The following ZNF484 variants were observed in gnomAD, a reference collection of about 807,000 sequenced individuals.
ZNF484 encodes zinc finger protein 484.
In ZNF484, 11 loss-of-function variants were observed where a neutral mutation model predicts 12.9. The observed-to-expected ratio is 0.85, with a 90% CI of 0.54 to 1.41. The LOEUF is 1.41. Among genes scored for constraint, ZNF484 ranks in the 40% most tolerant of loss-of-function variants. The probability of loss-of-function intolerance (pLI) is 0.00; values close to 1 mark genes in which losing one functional copy is unlikely to be tolerated. For synonymous variants in ZNF484, 289 were observed against 334.1 expected, an observed-to-expected ratio of 0.86 and a Z score of 1.47; for missense variants, 807 against 1,007.7, an observed-to-expected ratio of 0.80 and a Z score of 2.70.
chr9:92,863,004 A>G (rs1437820180), intron 2 of ZNF484, among the ~76,000 whole-genome samples: 1 of 152,138 alleles, frequency 6.6e-6, no homozygotes, highest in Non-Finnish European at 1.5e-5. Context: ...TAGCAAAGAC[A>G]TGGAATCAAC....
chr9:92,859,218 ACATC>A (rs1856638715), intron 2 of ZNF484, among the ~76,000 whole-genome samples: 1 of 152,202 alleles, frequency 6.6e-6, no homozygotes, highest in Admixed American at 6.5e-5. Context: ...AATGCATTAA[ACATC>A]CAAGTTAAAA....
Position 92,847,555 on chromosome 9 carries a change from G to C in ZNF484, c.1232C>G (p.Pro411Arg), listed in dbSNP as rs758508454. 1.7e-5 allele frequency: 27 copies of C among 1,613,932 alleles called. No individual in the cohort carries two copies. In the East Asian group the frequency reaches 6.0e-4, roughly 36 times the overall value. Residue 411 changes from proline (P) to arginine (R), a missense_variant, in exon 5 of 5, where the codon CCT becomes CGT. By Grantham distance (103) the Pro-to-Arg change is moderately radical. Coordinates refer to ENST00000375495, the MANE Select transcript of ZNF484 (RefSeq NM_031486.4). ...CTTCCCACATTCAGTACATACATAAGGTTTTTCTCCTGTATGGATTTTCTG... is the reference window on the plus strand; with the variant it reads ...CTTCCCACATTCAGTACATACATAACGTTTTTCTCCTGTATGGATTTTCTG... The part of the protein sequence containing the change: ...MHQKIHTGEK[P>R]YVCTECGKAF...
intron 4 of ZNF484, among the ~76,000 whole-genome samples, chr9:92,849,786 G>GTC (rs376027089): frequency 2.6e-5 from 4 of 151,236 alleles, no homozygotes; most frequent in East Asian, 1.9e-4. Flanking sequence ...GTGAGACTCT[G>GTC]TCTCTCTCTC....
Position 92,856,288 on chromosome 9 carries a change from C to T in ZNF484, c.46G>A (p.Asp16Asn). Residue 16 changes from aspartate (D) to asparagine (N), a missense_variant, in exon 3 of 5, where the codon GAC becomes AAC. Asp to Asn is a conservative substitution (Grantham distance 23). Coordinates refer to ENST00000375495, the MANE Select transcript of ZNF484 (RefSeq NM_031486.4). Reference sequence around the variant, plus strand: ...TGTTGCCACTCATCCCTACTGAAGTCTACAGTTACGTCCTTGAATGACACT... The same window carrying T: ...TGTTGCCACTCATCCCTACTGAAGTTTACAGTTACGTCCTTGAATGACACT... ...ESVSFKDVTV[D>N]FSRDEWQQLD... The T allele has an allele frequency of 3.1e-6, 5 of 1,605,784 alleles. No homozygotes were observed. Among genetic ancestry groups the T allele is most frequent in the Non-Finnish European group, 4.3e-6 (5 of 1,175,768 alleles).
At chr9:92,867,955 C>G (rs1857206193) in intron 2 of ZNF484, among the ~76,000 whole-genome samples, 1 of 152,166 alleles carries the variant, frequency 6.6e-6, no homozygotes, top group Non-Finnish European at 1.5e-5. Flanking sequence ...AATAATTTTA[C>G]TTGGGCTTGT....
At chr9:92,858,771 A>T (rs1486066030) in intron 2 of ZNF484, among the ~76,000 whole-genome samples, 1 of 152,184 alleles carries the variant, frequency 6.6e-6, no homozygotes, top group African/African-American at 2.4e-5. Flanking sequence ...GGAAAAAATT[A>T]AAGAGTAAAA....
intron 4 of ZNF484, among the ~76,000 whole-genome samples, chr9:92,850,486 G>A (rs1166030684): frequency 6.6e-6 from 1 of 152,010 alleles, no homozygotes; most frequent in Non-Finnish European, 1.5e-5. Context: ...ATCCTAACTT[G>A]GCCAAACAGA....
Position 92,847,912 on chromosome 9 carries a change from G to A in ZNF484, c.875C>T (p.Ser292Phe). ...AACCCTCTGACTGCCATCAAGCTGGGACTTCTGAGTGAAGACTGCCTCACA... is the reference window on the plus strand; with the variant it reads ...AACCCTCTGACTGCCATCAAGCTGGAACTTCTGAGTGAAGACTGCCTCACA... ...HECEAVFTQK[S>F]QLDGSQRVYA... Residue 292 changes from serine (S) to phenylalanine (F), a missense_variant, in exon 5 of 5, where the codon TCC becomes TTC. Physicochemically the swap from Ser to Phe is radical, Grantham distance 155 (BLOSUM62 -2). Transcript: ENST00000375495. The A allele has an allele frequency of 2.5e-6, 4 of 1,614,164 alleles. No individual in the cohort carries two copies. The highest frequency in any genetic ancestry group is 1.1e-5 in the South Asian group (1 of 91,086).
chr9:92,870,411 T>A (rs1257117307), intron 2 of ZNF484, among the ~76,000 whole-genome samples: 1 of 152,184 alleles, frequency 6.6e-6, no homozygotes, highest in Non-Finnish European at 1.5e-5. Context: ...AACAAAAAAC[T>A]GTGGGCTTGA....
chr9:92,873,551 C>T (rs1355891248), intron 2 of ZNF484, among the ~76,000 whole-genome samples: 1 of 152,146 alleles, frequency 6.6e-6, no homozygotes, highest in African/African-American at 2.4e-5. Context: ...AATCTCTAGG[C>T]CCAGACAGTT....
chr9:92,872,162 C>T (rs1053632706), intron 2 of ZNF484, among the ~76,000 whole-genome samples: 2 of 140,826 alleles, frequency 1.4e-5, no homozygotes, highest in Non-Finnish European at 3.0e-5. Flanking sequence ...ACCCGGAAGG[C>T]GGAGGTTGCA....
chr9:92,877,248 T>C (rs1251823927), intron 1 of ZNF484, among the ~76,000 whole-genome samples: 1 of 151,874 alleles, frequency 6.6e-6, no homozygotes, highest in Non-Finnish European at 1.5e-5. Context: ...AAAGAGAAAG[T>C]ACCTAAAAAG....
intron 4 of ZNF484, among the ~76,000 whole-genome samples, chr9:92,853,389 A>G (rs1169947536): frequency 2.0e-5 from 3 of 152,230 alleles, no homozygotes; most frequent in East Asian, 3.8e-4. Flanking sequence ...GCTACATTGT[A>G]TCTTGTCTTC....
chr9:92,864,445 CA>C (rs375727860), intron 2 of ZNF484, among the ~76,000 whole-genome samples: 15 of 149,090 alleles, frequency 1.0e-4, no homozygotes, highest in East Asian at 2.0e-4. Context: ...AGAACAACAA[CA>C]AAAAAAAAAG....
intron 2 of ZNF484, among the ~76,000 whole-genome samples, chr9:92,856,922 C>T (rs1023159416): frequency 1.3e-5 from 2 of 152,190 alleles, no homozygotes; most frequent in Non-Finnish European, 2.9e-5. Flanking sequence ...GACGGGGTTT[C>T]ACCGTGTTAG....
chr9:92,863,893 A>G (rs993731101), intron 2 of ZNF484, among the ~76,000 whole-genome samples: 6 of 152,228 alleles, frequency 3.9e-5, no homozygotes, highest in Admixed American at 1.3e-4. Context: ...AGACTGCTTG[A>G]GAGGACACCT....
At chr9:92,870,291 C>G (rs1483060654) in intron 2 of ZNF484, among the ~76,000 whole-genome samples, 2 of 152,054 alleles carry the variant, frequency 1.3e-5, no homozygotes, top group African/African-American at 4.8e-5. Context: ...TACAAAAAGG[C>G]CTGGAAAAAA....
Position 92,856,233 on chromosome 9 carries a change from C to CT in ZNF484, c.100dup (p.Arg34LysfsTer38). ...GAAATAGTTTTCCAGCATCACTTCT[C>CT]TGTACAGGCTTTTCTGAGCAAGGTC... On this transcript the variant is annotated frameshift_variant, in exon 3 of 5. Transcript: ENST00000375495. LOFTEE classifies it high-confidence loss of function. The CT allele has an allele frequency of 6.2e-7, 1 of 1,613,894 alleles. No homozygotes were observed. The highest frequency in any genetic ancestry group is 1.1e-5 in the South Asian group (1 of 91,062).
chr9:92,868,993 TG>T (rs1186975835), intron 2 of ZNF484, among the ~76,000 whole-genome samples: 1 of 152,134 alleles, frequency 6.6e-6, no homozygotes, highest in Non-Finnish European at 1.5e-5. Flanking sequence ...CCTGAATAGC[TG>T]GGATTACACA....
Sources: gnomAD v4.1 joint callset for allele counts (sites outside exome capture counted in the v4.1 genomes callset) on GRCh38, gnomAD v4.1.1 for gene constraint, MANE v1.5 for transcripts, NCBI Gene and HGNC (gene_info 2026-07-23, HGNC 2026-07-21) for gene names.